EPHA6: variants seen among roughly 807,000 people sequenced by gnomAD.
EPHA6 encodes the protein ephrin type-A receptor 6.
Under a neutral mutation model 112.0 loss-of-function variants are expected in EPHA6, and 50 were observed. That is an observed-to-expected ratio of 0.45 (90% CI 0.36 to 0.56). The LOEUF is 0.56. EPHA6 is among the 20% of genes least tolerant of loss of function. The pLI is 0.00. For synonymous variants in EPHA6, 529 were observed against 490.7 expected, an observed-to-expected ratio of 1.08 and a Z score of -1.03; for missense variants, 1,280 against 1,417.4, an observed-to-expected ratio of 0.90 and a Z score of 1.56.
chr3:97,424,989 G>C (rs1036037755), intron 6 of EPHA6, among the ~76,000 whole-genome samples: 3 of 152,110 alleles, frequency 2.0e-5, no homozygotes, highest in Non-Finnish European at 4.4e-5. Flanking sequence ...AATCTCCTTT[G>C]ACTCCATGTC....
chr3:97,314,444 G>T (rs1452707828), intron 5 of EPHA6, among the ~76,000 whole-genome samples: 4 of 151,490 alleles, frequency 2.6e-5, no homozygotes, highest in Non-Finnish European at 5.9e-5. Context: ...TAATTGAGAA[G>T]AATAATCAAA....
At chr3:97,355,825 T>C (rs1297426859) in intron 5 of EPHA6, among the ~76,000 whole-genome samples, 2 of 151,084 alleles carry the variant, frequency 1.3e-5, no homozygotes, top group East Asian at 3.9e-4. Context: ...AGACTGAAAA[T>C]AAAGGGATAA....
chr3:97,068,154 C>CAAAAAAAAAAAAAAAAAAAAAAA (rs1396275493), intron 3 of EPHA6, among the ~76,000 whole-genome samples: 1 of 61,016 alleles, frequency 1.6e-5, no homozygotes, highest in Admixed American at 2.1e-4. Flanking sequence ...GACTCCATCT[C>CAAAAAAAAAAAAAAAAAAAAAAA]AAAAAAAAAA....
At chr3:97,586,683 TTAGA>T (rs538820096) in intron 11 of EPHA6, among the ~76,000 whole-genome samples, 161 of 150,694 alleles carry the variant, frequency 1.1e-3, no homozygotes, top group Non-Finnish European at 1.5e-3. Flanking sequence ...AGGTCAGTAC[TTAGA>T]TAGATGGATG....
intron 15 of EPHA6, among the ~76,000 whole-genome samples, chr3:97,722,226 G>A (rs1028346091): frequency 1.3e-5 from 2 of 152,078 alleles, no homozygotes; most frequent in African/African-American, 4.8e-5. Context: ...ATCCATAGAT[G>A]GCATATGTAT....
chr3:96,890,028 A>G (rs919855234), intron 2 of EPHA6, among the ~76,000 whole-genome samples: 1 of 152,112 alleles, frequency 6.6e-6, no homozygotes, highest in East Asian at 1.9e-4. Flanking sequence ...TGCCAAATGA[A>G]CTAGAGCTCT....
chr3:97,179,184 C>A (rs2076916840), intron 3 of EPHA6, among the ~76,000 whole-genome samples: 1 of 151,950 alleles, frequency 6.6e-6, no homozygotes, highest in Non-Finnish European at 1.5e-5. Context: ...CTTCAGTATA[C>A]CAATTACATT....
At chr3:97,148,529 G>A (rs1372458845) in intron 3 of EPHA6, among the ~76,000 whole-genome samples, 4 of 152,032 alleles carry the variant, frequency 2.6e-5, no homozygotes, top group African/African-American at 9.7e-5. Flanking sequence ...GTTTAAAAAT[G>A]CACATTTCCT....
intron 13 of EPHA6, among the ~76,000 whole-genome samples, chr3:97,620,410 G>T (rs1441455293): frequency 2.0e-5 from 3 of 151,960 alleles, no homozygotes; most frequent in Admixed American, 6.6e-5. Context: ...AGTAAAAATG[G>T]ACAAATAGAA....
At position 97,717,689 on chromosome 3, in the gene EPHA6, G is replaced by T. The variant is rs149325223; in HGVS notation, c.2785-2572G>T. On this transcript the variant is annotated intron_variant, in intron 14 of 17. Coordinates refer to ENST00000389672, the MANE Select transcript of EPHA6 (RefSeq NM_001080448.3). ...ATCTCAAAATATAGTCACAGTGGGGGTTAAGGCTTCAATGTATGAATTTTA... is the reference window on the plus strand; with the variant it reads ...ATCTCAAAATATAGTCACAGTGGGGTTTAAGGCTTCAATGTATGAATTTTA... 5.5e-3 allele frequency among the ~76,000 whole-genome samples: 844 copies of T among 152,226 alleles called. 5 individuals are homozygous for T. The highest frequency in any genetic ancestry group is 0.018 in the African/African-American group (736 of 41,542).
At chr3:97,174,945 G>T (rs2076795464) in intron 3 of EPHA6, among the ~76,000 whole-genome samples, 1 of 151,846 alleles carries the variant, frequency 6.6e-6, no homozygotes, top group Non-Finnish European at 1.5e-5. Flanking sequence ...CTGTACGTGT[G>T]GGGTATTGCT....
chr3:97,612,800 C>T, intron 13 of EPHA6, among the ~76,000 whole-genome samples: 1 of 151,974 alleles, frequency 6.6e-6, no homozygotes, highest in East Asian at 2.0e-4. Flanking sequence ...ATAAAATTCT[C>T]TGTACCTCTG....
chr3:97,666,009 A>T (rs2030055809), intron 14 of EPHA6, among the ~76,000 whole-genome samples: 1 of 151,304 alleles, frequency 6.6e-6, no homozygotes, highest in Non-Finnish European at 1.5e-5. Flanking sequence ...GTGAGCTGAG[A>T]TATCGCCGTT....
At chr3:97,196,530 C>T (rs187737553) in intron 3 of EPHA6, among the ~76,000 whole-genome samples, 228 of 152,072 alleles carry the variant, frequency 1.5e-3, no homozygotes, top group African/African-American at 5.3e-3. Context: ...CCCAGATGGT[C>T]CTGATGCTTG....
At chr3:97,404,142 G>C (rs910711057) in intron 5 of EPHA6, among the ~76,000 whole-genome samples, 9 of 152,128 alleles carry the variant, frequency 5.9e-5, no homozygotes, top group Non-Finnish European at 1.0e-4. Flanking sequence ...ATGTCACTTT[G>C]TGTTGTGCAG....
chr3:97,746,987 G>A (rs2107902477), intron 16 of EPHA6, among the ~76,000 whole-genome samples: 2 of 152,036 alleles, frequency 1.3e-5, no homozygotes, highest in South Asian at 4.1e-4. Flanking sequence ...CATGGATTCA[G>A]GGGTAGGTCA....
At chr3:97,635,620 C>A (rs1004957099) in intron 13 of EPHA6, among the ~76,000 whole-genome samples, 1 of 151,966 alleles carries the variant, frequency 6.6e-6, no homozygotes, top group African/African-American at 2.4e-5. Context: ...AGAAAGTAGA[C>A]TACTGGTTGC....
In EPHA6 at chr3:97,244,354, G is replaced by A. The variant is rs755516958; in HGVS notation, c.1606+67G>A. The A allele has an allele frequency of 2.9e-6, 4 of 1,357,378 alleles. No homozygotes were observed. In the Admixed American group the frequency reaches 5.2e-5, roughly 18 times the overall value. 84.1% of individuals were successfully genotyped at this position (1,357,378 alleles called of 1,614,324 possible). ...CTTTTGATGCATAAATATCCCTCAT[G>A]GGCATGTATTTATTGCAGGTGCTAT... On this transcript the variant is annotated intron_variant, in intron 5 of 17. Coordinates refer to ENST00000389672, the MANE Select transcript of EPHA6 (RefSeq NM_001080448.3).
chr3:96,930,992 CAAAAAAAAAAAAA>C (rs754917681), intron 2 of EPHA6, among the ~76,000 whole-genome samples: 3 of 34,762 alleles, frequency 8.6e-5, no homozygotes, highest in Non-Finnish European at 1.7e-4. Flanking sequence ...ACTCTGTCTC[CAAAAAAAAAAAAA>C]AAAAAAAAAA....
Sources: gnomAD v4.1 joint callset for allele counts (sites outside exome capture counted in the v4.1 genomes callset) on GRCh38, gnomAD v4.1.1 for gene constraint, MANE v1.5 for transcripts, NCBI Gene and HGNC (gene_info 2026-07-23, HGNC 2026-07-21) for gene names.